The following ZMYND8 variants were observed in gnomAD, a reference collection of about 807,000 sequenced individuals.
ZMYND8 encodes the protein zinc finger MYND-type containing 8.
In ZMYND8, 37 loss-of-function variants were observed where a neutral mutation model predicts 140.8. That is an observed-to-expected ratio of 0.26 (90% CI 0.20 to 0.35). ZMYND8 has a LOEUF of 0.35. Among genes scored for constraint, ZMYND8 ranks in the 10% least tolerant of loss-of-function variants. The probability of loss-of-function intolerance (pLI) is 1.00; values close to 1 mark genes in which losing one functional copy is unlikely to be tolerated. For synonymous variants in ZMYND8, 592 were observed against 597.1 expected (o/e 0.99, Z 0.12); for missense variants, 1,068 against 1,570.0 (o/e 0.68, Z 5.40).
intron 16 of ZMYND8, among the ~76,000 whole-genome samples, chr20:47,232,624 T>C (rs1449783488): frequency 6.6e-6 from 1 of 152,138 alleles, no homozygotes; most frequent in Non-Finnish European, 1.5e-5. Flanking sequence ...ACAGCCTTCC[T>C]GCAAACCACT....
chr20:47,212,155 TC>T (rs1389914859), intron 22 of ZMYND8, among the ~76,000 whole-genome samples: 2 of 152,058 alleles, frequency 1.3e-5, no homozygotes, highest in African/African-American at 4.8e-5. Context: ...TGGGAGAAAA[TC>T]CTACAGTGAT....
intron 14 of ZMYND8, 125 bp from the exon 15 acceptor site, chr20:47,239,263 G>A (rs2039645138): frequency 7.7e-7 from 1 of 1,296,052 alleles, no homozygotes; most frequent in Non-Finnish European, 1.0e-6. Flanking sequence ...CCAATTCGAC[G>A]TGCCAAGCAC....
intron 21 of ZMYND8, among the ~76,000 whole-genome samples, chr20:47,216,049 G>C (rs949536584): frequency 6.6e-6 from 1 of 152,322 alleles, no homozygotes; most frequent in East Asian, 1.9e-4. Flanking sequence ...AGCACACCAC[G>C]GAGGCCCTGC....
intron 3 of ZMYND8, among the ~76,000 whole-genome samples, chr20:47,299,887 T>C (rs114285053): frequency 0.014 from 2,171 of 152,278 alleles, 38 homozygotes; most frequent in African/African-American, 0.05. Context: ...CGGCCAGTTA[T>C]CTAATTTTTA....
intron 18 of ZMYND8, among the ~76,000 whole-genome samples, chr20:47,225,280 G>T (rs1400341923): frequency 6.6e-6 from 1 of 152,076 alleles, no homozygotes; most frequent in East Asian, 1.9e-4. Context: ...AGAAAAATAG[G>T]CCAAGTGCAG....
intron 2 of ZMYND8, among the ~76,000 whole-genome samples, chr20:47,335,283 T>C (rs758285017): frequency 4.6e-5 from 7 of 151,842 alleles, no homozygotes; most frequent in Admixed American, 1.3e-4. Context: ...TTGTATGGTA[T>C]GTGAATTATA....
chr20:47,317,904 T>C (rs566001267), intron 2 of ZMYND8, among the ~76,000 whole-genome samples: 1 of 152,282 alleles, frequency 6.6e-6, no homozygotes, highest in South Asian at 2.1e-4. Context: ...CCTTGTAAAG[T>C]TATCGAAGAA....
chr20:47,326,288 G>T (rs900376281), intron 2 of ZMYND8, among the ~76,000 whole-genome samples: 21 of 152,096 alleles, frequency 1.4e-4, no homozygotes, highest in African/African-American at 4.8e-4. Flanking sequence ...TTTTAGTAGA[G>T]ATGGGGTTTC....
At chr20:47,299,082 T>C in intron 3 of ZMYND8, 135 bp from the exon 4 acceptor site, 1 of 772,132 alleles carries the variant, frequency 1.3e-6, no homozygotes, top group Non-Finnish European at 2.1e-6. Context: ...CAAACTATCT[T>C]AGGTTACTCT....
chr20:47,356,534 G>A (rs2083255148), intron 1 of ZMYND8, 123 bp downstream of exon 1: 2 of 1,612,152 alleles, frequency 1.2e-6, no homozygotes, highest in Non-Finnish European at 8.5e-7. Flanking sequence ...ACAGTTCCAA[G>A]TTAACATAAG....
chr20:47,212,477 C>T (rs777022511), intron 22 of ZMYND8, among the ~76,000 whole-genome samples, 165 bp downstream of exon 22: 1 of 152,216 alleles, frequency 6.6e-6, no homozygotes, highest in Non-Finnish European at 1.5e-5. Context: ...GTGATGGCGA[C>T]CAGAGGCACA....
chr20:47,216,062 A>G (rs1425107387), intron 21 of ZMYND8, among the ~76,000 whole-genome samples: 1 of 152,228 alleles, frequency 6.6e-6, no homozygotes, highest in African/African-American at 2.4e-5. Flanking sequence ...GGCCCTGCAG[A>G]GGGCAGAGGA....
rs1167962430 is a variant in ZMYND8, at chr20:47,299,043, A to G, written c.235-96T>C. ...TACATCAATAACAACAAAAGAAAAT[A>G]ACAGCATTTCACAAATTCATTAAAA... On this transcript the variant is annotated intron_variant, in intron 3 of 22. Transcript: ENST00000471951. 2.5e-6 allele frequency: 3 copies of G among 1,181,468 alleles called. No individual in the cohort carries two copies. The East Asian group carries it at 7.3e-5, about 29-fold the overall frequency. 73.2% of individuals were successfully genotyped at this position (1,181,468 alleles called of 1,614,324 possible). A position where few individuals can be genotyped will look rare whatever the true frequency, so the allele number is the denominator to read the frequency against.
intron 1 of ZMYND8, among the ~76,000 whole-genome samples, chr20:47,354,998 A>G (rs2083101964): frequency 1.3e-5 from 2 of 152,060 alleles, no homozygotes; most frequent in Non-Finnish European, 2.9e-5. Context: ...CACTATACAT[A>G]AGTCCTAAAA....
At chr20:47,277,677 T>G (rs2076341073) in intron 10 of ZMYND8, among the ~76,000 whole-genome samples, 2 of 151,644 alleles carry the variant, frequency 1.3e-5, no homozygotes, top group Admixed American at 6.6e-5. Context: ...ATTTATTTAT[T>G]TATTTATTTA....
intron 3 of ZMYND8, among the ~76,000 whole-genome samples, chr20:47,304,595 G>T (rs2078334940): frequency 6.6e-6 from 1 of 152,202 alleles, no homozygotes; most frequent in African/African-American, 2.4e-5. Context: ...GAGGACCATA[G>T]ACTCCAGTTC....
At chr20:47,259,982 T>G (rs1474122239) in intron 12 of ZMYND8, among the ~76,000 whole-genome samples, 2 of 152,132 alleles carry the variant, frequency 1.3e-5, no homozygotes, top group East Asian at 1.9e-4. Context: ...CCTATTGACC[T>G]CTCCACCTAG....
intron 3 of ZMYND8, among the ~76,000 whole-genome samples, chr20:47,309,851 T>C (rs544371585): frequency 3.3e-4 from 50 of 152,148 alleles, no homozygotes; most frequent in African/African-American, 1.2e-3. Context: ...CCCTGCTCTG[T>C]CCCCGAAACA....
rs1311979090 is a variant in ZMYND8, at chr20:47,209,300, A to G, written c.*1461T>C. ...GGGGGAAGGAACGGGCAAACCCAAA[A>G]AAGCATATAGTGTGAGTCTACTGGC... On this transcript the variant is annotated 3_prime_UTR_variant, in exon 23 of 23. Transcript: ENST00000471951. 6.6e-6 allele frequency: 1 copy of G among 152,246 alleles called. No homozygotes were observed. The highest frequency in any genetic ancestry group is 2.4e-5 in the African/African-American group (1 of 41,458). The allele number at this position is 152,246 out of a possible 1,614,324, so 9.4% of individuals were successfully genotyped here.
Sources: gnomAD v4.1 joint callset for allele counts (sites outside exome capture counted in the v4.1 genomes callset) on GRCh38, gnomAD v4.1.1 for gene constraint, MANE v1.5 for transcripts, NCBI Gene and HGNC (gene_info 2026-07-23, HGNC 2026-07-21) for gene names.